EPHA5: variants seen among roughly 807,000 people sequenced by gnomAD.
The protein encoded by EPHA5 is ephrin type-A receptor 5.
EPHA5 carries 60 observed loss-of-function variants against 105.0 expected under a neutral mutation model. The observed-to-expected ratio is 0.57, with a 90% CI of 0.46 to 0.71. The LOEUF is 0.71. EPHA5 is among the 30% of genes least tolerant of loss of function. EPHA5 has a pLI of 0.00. For missense variants in EPHA5, 1,218 were observed against 1,274.7 expected (o/e 0.96, Z 0.68); for synonymous variants, 513 against 449.1 (o/e 1.14, Z -1.80).
intron 3 of EPHA5, among the ~76,000 whole-genome samples, chr4:65,590,570 A>C (rs1393245408): frequency 6.6e-6 from 1 of 152,164 alleles, no homozygotes; most frequent in Non-Finnish European, 1.5e-5. Flanking sequence ...TTCTAGACTA[A>C]AGTATGAGTT....
intron 3 of EPHA5, among the ~76,000 whole-genome samples, chr4:65,533,950 T>TAAA (rs1297648510): frequency 1.1e-5 from 1 of 89,006 alleles, no homozygotes; most frequent in Non-Finnish European, 2.5e-5. Flanking sequence ...AATAAATAAA[T>TAAA]AAAAGAAAGA....
rs2149036412 is a variant in EPHA5 at position 65,420,440 on chromosome 4, C to A, written c.1527+1G>T. 6.3e-7 allele frequency: 1 copy of A among 1,576,324 alleles called. No individual in the cohort carries two copies. The highest frequency in any genetic ancestry group is 1.8e-5 in the Admixed American group (1 of 54,104). ...GACATTTTTTATTCTGTTAGTCTTACCTTTTCAAAATACTTGATTTCATAC... is the reference window on the plus strand; with the variant it reads ...GACATTTTTTATTCTGTTAGTCTTAACTTTTCAAAATACTTGATTTCATAC... On this transcript the variant is annotated splice_donor_variant, in intron 6 of 16. Coordinates refer to ENST00000613740, the MANE Select transcript of EPHA5 (RefSeq NM_001281766.3). LOFTEE classifies it high-confidence loss of function.
intron 2 of EPHA5, among the ~76,000 whole-genome samples, chr4:65,608,461 G>A (rs548934234): frequency 2.6e-5 from 4 of 151,188 alleles, no homozygotes; most frequent in East Asian, 3.9e-4. Flanking sequence ...CCGAGATTGC[G>A]CCACTGCACC....
intron 11 of EPHA5, among the ~76,000 whole-genome samples, chr4:65,355,038 T>G (rs977127932): frequency 1.9e-4 from 29 of 151,790 alleles, no homozygotes; most frequent in Admixed American, 3.3e-4. Context: ...AGGTGAGAGA[T>G]CACATATGCA....
At chr4:65,607,832 G>A (rs1560766578) in intron 2 of EPHA5, among the ~76,000 whole-genome samples, 1 of 152,262 alleles carries the variant, frequency 6.6e-6, no homozygotes. Flanking sequence ...CCATTACTGG[G>A]TATATATCCA....
At position 65,412,794 on chromosome 4, in the gene EPHA5, C is replaced by T. The variant is rs116838139; in HGVS notation, c.1687+1490G>A. Among the ~76,000 whole-genome samples, 254 of 152,124 alleles carry T rather than the reference C, an allele frequency of 1.7e-3. 2 individuals carry two copies. The highest frequency in any genetic ancestry group is 5.9e-3 in the African/African-American group (246 of 41,522). On this transcript the variant is annotated intron_variant, in intron 7 of 16. Coordinates refer to ENST00000613740, the MANE Select transcript of EPHA5 (RefSeq NM_001281766.3). The stretch of plus-strand genomic sequence containing the variant: ...GAGTTTTGGTGTGCCTGGTAGCTAC[C>T]ATTTAATACATATGTAAATGATAGA...
chr4:65,342,686 T>C (rs1577863047), intron 14 of EPHA5, among the ~76,000 whole-genome samples: 1 of 150,140 alleles, frequency 6.7e-6, no homozygotes, highest in African/African-American at 2.4e-5. Flanking sequence ...ATATACAATA[T>C]ACATAAACAT....
intron 2 of EPHA5, among the ~76,000 whole-genome samples, chr4:65,608,025 C>A (rs1378437144): frequency 6.6e-6 from 1 of 152,122 alleles, no homozygotes; most frequent in East Asian, 1.9e-4. Flanking sequence ...AGTTCATGTC[C>A]TTTTCAGGGA....
intron 7 of EPHA5, among the ~76,000 whole-genome samples, chr4:65,410,613 C>A (rs1722822417): frequency 6.6e-6 from 1 of 152,170 alleles, no homozygotes; most frequent in African/African-American, 2.4e-5. Context: ...GGATTAAGAT[C>A]TGTGGATTGA....
At chr4:65,431,945 G>T (rs1244659851) in intron 5 of EPHA5, among the ~76,000 whole-genome samples, 1 of 152,078 alleles carries the variant, frequency 6.6e-6, no homozygotes, top group African/African-American at 2.4e-5. Flanking sequence ...AAAGTGGTAT[G>T]AGATATTTCT....
intron 5 of EPHA5, among the ~76,000 whole-genome samples, chr4:65,425,175 C>T (rs1431394555): frequency 6.6e-6 from 1 of 152,046 alleles, no homozygotes; most frequent in Non-Finnish European, 1.5e-5. Context: ...GTGTTAAAAA[C>T]TTCATCAGAT....
At chr4:65,361,521 A>G (rs1305939917) in intron 11 of EPHA5, among the ~76,000 whole-genome samples, 1 of 150,100 alleles carries the variant, frequency 6.7e-6, no homozygotes, top group Non-Finnish European at 1.5e-5. Flanking sequence ...GTGGAAAGTG[A>G]CAAAATGGGA....
intron 8 of EPHA5, among the ~76,000 whole-genome samples, chr4:65,402,984 G>A (rs1721998337): frequency 6.6e-6 from 1 of 150,714 alleles, no homozygotes; most frequent in Admixed American, 6.7e-5. Flanking sequence ...TGGCTGGGAT[G>A]GGCTTAATTG....
In EPHA5 at chr4:65,323,098, G is replaced by T. The variant is rs1361448220; in HGVS notation, c.*1016C>A. ...CAGAAAGGTGAAATTTCTTACAGGGGTACAAGATTAATGGCTAGAAGAACT... is the reference window on the plus strand; with the variant it reads ...CAGAAAGGTGAAATTTCTTACAGGGTTACAAGATTAATGGCTAGAAGAACT... On this transcript the variant is annotated 3_prime_UTR_variant, in exon 17 of 17. Coordinates refer to ENST00000613740, the MANE Select transcript of EPHA5 (RefSeq NM_001281766.3). 5 of 228,490 alleles carry T rather than the reference G, an allele frequency of 2.2e-5. No individual in the cohort carries two copies. Among genetic ancestry groups the T allele is most frequent in the Non-Finnish European group, 3.5e-5 (4 of 115,092 alleles). 14.2% of individuals were successfully genotyped at this position (228,490 alleles called of 1,614,324 possible).
Position 65,320,719 on chromosome 4 carries a change from T to A in EPHA5, c.*3395A>T, listed in dbSNP as rs1170602300. ...ACATAAGTGCTCAAATGATATTAAC[T>A]TTCCATTTTAAACTTGAAACATGAA... On this transcript the variant is annotated 3_prime_UTR_variant, in exon 17 of 17. Transcript: ENST00000613740. The A allele has an allele frequency of 4.3e-6, 1 of 230,194 alleles. No individual in the cohort carries two copies. Among genetic ancestry groups the A allele is most frequent in the Non-Finnish European group, 8.6e-6 (1 of 116,120 alleles). The allele number at this position is 230,194 out of a possible 1,614,324, so 14.3% of individuals were successfully genotyped here. A position where few individuals can be genotyped will look rare whatever the true frequency, so the allele number is the denominator to read the frequency against.
chr4:65,352,415 T>C (rs1458381643), intron 12 of EPHA5, among the ~76,000 whole-genome samples: 1 of 152,046 alleles, frequency 6.6e-6, no homozygotes, highest in East Asian at 1.9e-4. Flanking sequence ...CCTGCAAATA[T>C]GTTACATTGT....
At chr4:65,468,075 T>A (rs987332944) in intron 5 of EPHA5, among the ~76,000 whole-genome samples, 2 of 152,150 alleles carry the variant, frequency 1.3e-5, no homozygotes, top group African/African-American at 4.8e-5. Flanking sequence ...CTTACAGAAT[T>A]TATGATAATA....
chr4:65,594,359 A>G (rs898997730), intron 3 of EPHA5, among the ~76,000 whole-genome samples: 2 of 152,188 alleles, frequency 1.3e-5, no homozygotes, highest in African/African-American at 4.8e-5. Context: ...TATAACCATG[A>G]TGAAACTCAA....
At chr4:65,331,150 A>T in intron 16 of EPHA5, 1 of 1,032,054 alleles carries the variant, frequency 9.7e-7, no homozygotes. Flanking sequence ...TTGAATTGGC[A>T]GGTAATTTGA....
Sources: allele counts gnomAD v4.1 joint callset (sites outside exome capture counted in the v4.1 genomes callset), GRCh38; gene constraint gnomAD v4.1.1; transcripts MANE v1.5; gene names NCBI Gene and HGNC (gene_info 2026-07-23, HGNC 2026-07-21).